IL1RAPL2: variants seen among roughly 807,000 people sequenced by gnomAD.
IL1RAPL2 encodes the protein X-linked interleukin-1 receptor accessory protein-like 2.
In IL1RAPL2, 3 loss-of-function variants were observed where a neutral mutation model predicts 44.1. The observed-to-expected ratio is 0.07, with a 90% CI of 0.03 to 0.18. The LOEUF (loss-of-function observed/expected upper bound fraction) is 0.18. IL1RAPL2 is among the 10% of genes least tolerant of loss of function. The pLI is 1.00. For missense variants in IL1RAPL2, 391 were observed against 496.4 expected, an observed-to-expected ratio of 0.79 and a Z score of 2.02; for synonymous variants, 181 against 178.8, an observed-to-expected ratio of 1.01 and a Z score of -0.10.
chrX:105,346,039 C>G (rs1412625872), intron 5 of IL1RAPL2, among the ~76,000 whole-genome samples: 1 of 111,360 alleles, frequency 9.0e-6, no homozygotes, highest in Non-Finnish European at 1.9e-5. Context: ...CTCAAGCCTA[C>G]TCTAAGCTTT....
At chrX:104,605,875 A>G (rs926608616) in intron 1 of IL1RAPL2, among the ~76,000 whole-genome samples, 2 of 111,943 alleles carry the variant, frequency 1.8e-5, no homozygotes, top group African/African-American at 6.5e-5. Context: ...TTCACAGCCA[A>G]ATTCTACCAG....
chrX:105,251,650 A>G (rs1347620874), intron 4 of IL1RAPL2, among the ~76,000 whole-genome samples: 1 of 108,689 alleles, frequency 9.2e-6, no homozygotes, highest in Non-Finnish European at 1.9e-5. Flanking sequence ...GGTATTTGGC[A>G]TGTATAAGAA....
At chrX:105,704,975 A>G (rs1033370620) in intron 6 of IL1RAPL2, among the ~76,000 whole-genome samples, 2 of 111,589 alleles carry the variant, frequency 1.8e-5, no homozygotes, top group African/African-American at 6.5e-5. Context: ...GCTGTTTTCT[A>G]TGGTGTTCCT....
intron 1 of IL1RAPL2, among the ~76,000 whole-genome samples, chrX:104,619,650 C>G (rs1364267185): frequency 8.9e-6 from 1 of 112,191 alleles, no homozygotes; most frequent in African/African-American, 3.2e-5. Context: ...AGCCCCTAAT[C>G]CACCATCTTG....
chrX:104,888,985 C>T (rs2147663583), intron 2 of IL1RAPL2, among the ~76,000 whole-genome samples: 1 of 111,447 alleles, frequency 9.0e-6, no homozygotes, highest in South Asian at 3.8e-4. Flanking sequence ...GCATCCAGTG[C>T]AACCTGTTAT....
chrX:104,769,879 G>A (rs1223201109), intron 2 of IL1RAPL2, among the ~76,000 whole-genome samples: 1 of 112,094 alleles, frequency 8.9e-6, no homozygotes, highest in Admixed American at 9.5e-5. Flanking sequence ...ATTTGAATCT[G>A]AGAACTGCCT....
intron 2 of IL1RAPL2, among the ~76,000 whole-genome samples, chrX:104,792,002 G>A (rs923320158): frequency 9.0e-6 from 1 of 111,329 alleles, no homozygotes; most frequent in African/African-American, 3.3e-5. Context: ...AAGAAGGTGA[G>A]TTGCTTCATA....
intron 2 of IL1RAPL2, among the ~76,000 whole-genome samples, chrX:105,022,220 A>G (rs1358517151): frequency 9.0e-6 from 1 of 111,270 alleles, no homozygotes; most frequent in African/African-American, 3.3e-5. Context: ...AAATATTTAT[A>G]GACTAAGTTT....
At position 105,589,302 on chromosome X, in the gene IL1RAPL2, A is replaced by G. The variant is rs759948693; in HGVS notation, c.772+104915A>G. On this transcript the variant is annotated intron_variant, in intron 6 of 10. Coordinates refer to ENST00000372582, the MANE Select transcript of IL1RAPL2 (RefSeq NM_017416.2). ...GATATTAGACCTTTGTCAGTTTCTTAGTTGGCAAAAATTTTCTCCTATCCT... is the reference window on the plus strand; with the variant it reads ...GATATTAGACCTTTGTCAGTTTCTTGGTTGGCAAAAATTTTCTCCTATCCT... Among the ~76,000 whole-genome samples the G allele has an allele frequency of 3.2e-4, 36 of 110,865 alleles. 2 individuals are homozygous for G. The highest frequency in any genetic ancestry group is 2.5e-3 in the East Asian group (9 of 3,531).
chrX:105,220,068 G>C, intron 3 of IL1RAPL2: 1 of 1,211,585 alleles, frequency 8.3e-7, no homozygotes. Context: ...GCTTCTTCAG[G>C]TCTGATGCCA....
At chrX:104,901,501 G>A (rs1395701847) in intron 2 of IL1RAPL2, among the ~76,000 whole-genome samples, 5 of 110,041 alleles carry the variant, frequency 4.5e-5, no homozygotes, top group East Asian at 2.9e-4. Context: ...GTGAGCCACC[G>A]CACCCTACCG....
intron 6 of IL1RAPL2, among the ~76,000 whole-genome samples, chrX:105,646,020 C>T (rs1296023638): frequency 2.7e-5 from 3 of 111,303 alleles, no homozygotes; most frequent in African/African-American, 9.8e-5. Flanking sequence ...TCCTATCATG[C>T]CCATGACATG....
At chrX:105,119,005 G>A (rs2032893059) in intron 2 of IL1RAPL2, among the ~76,000 whole-genome samples, 1 of 111,585 alleles carries the variant, frequency 9.0e-6, no homozygotes, top group African/African-American at 3.3e-5. Flanking sequence ...ATGGATCCCA[G>A]TATTGCAGAA....
chrX:105,515,433 A>G (rs1460132897), intron 6 of IL1RAPL2, among the ~76,000 whole-genome samples: 2 of 111,734 alleles, frequency 1.8e-5, no homozygotes, highest in Non-Finnish European at 3.8e-5. Context: ...CTAATTTCCC[A>G]GCTTCACCAT....
intron 2 of IL1RAPL2, among the ~76,000 whole-genome samples, chrX:105,057,155 T>G (rs754448853): frequency 2.1e-4 from 23 of 112,094 alleles, no homozygotes; most frequent in African/African-American, 7.4e-4. Context: ...AAATGCTTTC[T>G]GCTCAACTTT....
At chrX:105,231,509 C>T (rs1235987808) in intron 3 of IL1RAPL2, among the ~76,000 whole-genome samples, 1 of 111,818 alleles carries the variant, frequency 8.9e-6, no homozygotes, top group Non-Finnish European at 1.9e-5. Context: ...AAAAAAATAA[C>T]ATGTCTCTCA....
chrX:105,738,231 T>C (rs2038466275), intron 7 of IL1RAPL2, among the ~76,000 whole-genome samples: 1 of 112,350 alleles, frequency 8.9e-6, no homozygotes, highest in Admixed American at 9.4e-5. Flanking sequence ...TACCTTTACA[T>C]ATGCATAGTG....
chrX:105,456,099 A>G (rs2036053221), intron 5 of IL1RAPL2, among the ~76,000 whole-genome samples: 1 of 111,949 alleles, frequency 8.9e-6, no homozygotes. Flanking sequence ...ATGGGATTGC[A>G]TTCCTGATTT....
intron 2 of IL1RAPL2, among the ~76,000 whole-genome samples, chrX:105,116,065 CCCTGGTTCCCG>C (rs1001554208): frequency 3.6e-5 from 4 of 110,081 alleles, no homozygotes; most frequent in African/African-American, 1.3e-4. Flanking sequence ...GCGTGCGCAG[CCCTGGTTCCCG>C]CCTGCGCCTC....
Sources: gnomAD v4.1 joint callset for allele counts (sites outside exome capture counted in the v4.1 genomes callset) on GRCh38, gnomAD v4.1.1 for gene constraint, MANE v1.5 for transcripts, NCBI Gene and HGNC (gene_info 2026-07-23, HGNC 2026-07-21) for gene names.